Variants in ANO3 observed in about 807,000 individuals in gnomAD.
ANO3 encodes the protein anoctamin 3.
In ANO3, 99 loss-of-function variants were observed where a neutral mutation model predicts 144.8. The ratio of observed to expected loss-of-function variants is 0.68; its 90% CI spans 0.58 to 0.81. The LOEUF (loss-of-function observed/expected upper bound fraction) is 0.81, where lower values mean the gene tolerates loss of function less well. Among genes scored for constraint, ANO3 ranks in the 30% least tolerant of loss-of-function variants. ANO3 has a pLI of 0.00. For synonymous variants in ANO3, 414 were observed against 392.6 expected, an observed-to-expected ratio of 1.05 and a Z score of -0.64; for missense variants, 905 against 1,202.2, an observed-to-expected ratio of 0.75 and a Z score of 3.66.
intron 4 of ANO3, among the ~76,000 whole-genome samples, chr11:26,502,756 GA>G (rs1861249769): frequency 6.6e-6 from 1 of 150,818 alleles, no homozygotes; most frequent in African/African-American, 2.4e-5. Context: ...TAAAATCCCT[GA>G]AAGTTTTCAA....
intron 2 of ANO3, 93 bp from the exon 3 acceptor site, chr11:26,443,672 T>C (rs556988285): frequency 6.7e-6 from 4 of 596,302 alleles, no homozygotes; most frequent in Non-Finnish European, 1.2e-5. Context: ...TTTCATCATG[T>C]TTGGCCATCA....
At chr11:26,524,914 G>T (rs1165236994) in intron 6 of ANO3, among the ~76,000 whole-genome samples, 1 of 152,092 alleles carries the variant, frequency 6.6e-6, no homozygotes, top group Non-Finnish European at 1.5e-5. Context: ...GACCTCATAT[G>T]CTGCTACTAC....
intron 1 of ANO3, among the ~76,000 whole-genome samples, chr11:26,250,739 G>A (rs1564934021): frequency 6.6e-6 from 1 of 152,308 alleles, no homozygotes; most frequent in East Asian, 1.9e-4. Flanking sequence ...AAATGTGATA[G>A]TATATGAGTC....
At chr11:26,298,874 T>C (rs982376171) in intron 1 of ANO3, among the ~76,000 whole-genome samples, 1 of 152,160 alleles carries the variant, frequency 6.6e-6, no homozygotes, top group Non-Finnish European at 1.5e-5. Flanking sequence ...AATGACAAAA[T>C]AATGACTGAA....
chr11:26,243,227 G>A (rs2133812614), intron 1 of ANO3, among the ~76,000 whole-genome samples: 1 of 152,162 alleles, frequency 6.6e-6, no homozygotes, highest in Non-Finnish European at 1.5e-5. Context: ...GAAGGTTGTT[G>A]CCAGGCTGGG....
At chr11:26,586,526 C>T (rs1851288231) in intron 14 of ANO3, among the ~76,000 whole-genome samples, 1 of 21,746 alleles carries the variant, frequency 4.6e-5, no homozygotes, top group Non-Finnish European at 9.1e-5. Context: ...TTTTTTGAGA[C>T]ATAGTCTCAT....
chr11:26,580,812 T>C (rs1056230286), intron 14 of ANO3, among the ~76,000 whole-genome samples: 2 of 152,202 alleles, frequency 1.3e-5, no homozygotes, highest in South Asian at 2.1e-4. Flanking sequence ...AATGCAAAGA[T>C]TTATATCTTA....
intron 1 of ANO3, among the ~76,000 whole-genome samples, chr11:26,223,294 T>C (rs1435526770): frequency 6.6e-6 from 1 of 152,132 alleles, no homozygotes; most frequent in Non-Finnish European, 1.5e-5. Flanking sequence ...CCAAGCTCTT[T>C]CCTAAGACAT....
chr11:26,504,854 A>G (rs888220830), intron 4 of ANO3, among the ~76,000 whole-genome samples: 3 of 151,950 alleles, frequency 2.0e-5, no homozygotes, highest in Non-Finnish European at 4.4e-5. Context: ...TACTAAAGAT[A>G]CAAAAAAATT....
At position 26,641,896 on chromosome 11, in the gene ANO3, G is replaced by T; in HGVS notation, c.2142G>T (p.Pro714=). Residue 714 remains proline, a splice_region_variant and synonymous_variant, in exon 22 of 27, where the codon CCG becomes CCT. Transcript: ENST00000256737. ...IWNNFMELGY[P]LIQNWWSRHK... is the part of the protein sequence containing the mutation. ...GTCCTTGGTCTGCTCTGTGATGTAG[G>T]TTGATCCAGAACTGGTGGTCACGAC... 3.1e-6 allele frequency: 5 copies of T among 1,613,838 alleles called. No individual in the cohort carries two copies. The highest frequency in any genetic ancestry group is 4.2e-6 in the Non-Finnish European group (5 of 1,179,892).
At chr11:26,299,545 T>A (rs1038226457) in intron 1 of ANO3, among the ~76,000 whole-genome samples, 10 of 152,186 alleles carry the variant, frequency 6.6e-5, no homozygotes, top group Non-Finnish European at 1.5e-4. Flanking sequence ...GATTGCCTTT[T>A]TTTTTTCCTA....
intron 1 of ANO3, among the ~76,000 whole-genome samples, chr11:26,303,483 G>C (rs1854284722): frequency 6.6e-6 from 1 of 152,138 alleles, no homozygotes; most frequent in South Asian, 2.1e-4. Flanking sequence ...TTATGAATGG[G>C]AGCTAAGTAT....
chr11:26,488,781 G>A (rs544222854), intron 4 of ANO3, among the ~76,000 whole-genome samples: 63 of 152,292 alleles, frequency 4.1e-4, no homozygotes, highest in Middle Eastern at 6.8e-3. Flanking sequence ...TTATCATGAA[G>A]AGCAAAAGAA....
In ANO3 at chr11:26,412,795, A is replaced by AGTGTGTGTGTGTGTGTGT. The variant is rs60855252; in HGVS notation, c.47-29106_47-29089dup. Among the ~76,000 whole-genome samples, 1,110 of 140,160 alleles carry AGTGTGTGTGTGTGTGTGT rather than the reference A, an allele frequency of 7.9e-3. 10 individuals carry two copies. Among genetic ancestry groups the AGTGTGTGTGTGTGTGTGT allele is most frequent in the South Asian group, 0.013 (56 of 4,158 alleles). 92.0% of individuals were successfully genotyped at this position (140,160 alleles called of 152,430 possible). A position where few individuals can be genotyped will look rare whatever the true frequency, so the allele number is the denominator to read the frequency against. On this transcript the variant is annotated intron_variant, in intron 1 of 26. Transcript: ENST00000256737. ...CCACTTTTAAGGGCAGAGAAAGGAA[A>AGTGTGTGTGTGTGTGTGT]GTGTGTGTGTGTGTGTGTGTGTGTG...
intron 1 of ANO3, among the ~76,000 whole-genome samples, chr11:26,388,926 C>T (rs1226584956): frequency 2.6e-5 from 4 of 152,150 alleles, no homozygotes; most frequent in Non-Finnish European, 5.9e-5. Flanking sequence ...AAGTAGGAGT[C>T]TGCCATGATT....
upstream of ANO3, among the ~76,000 whole-genome samples, chr11:26,306,365 T>G (rs535705287): frequency 4.6e-5 from 7 of 152,230 alleles, no homozygotes; most frequent in South Asian, 1.2e-3. Context: ...TCTCCTAACC[T>G]TACCTCTCTC....
intron 4 of ANO3, among the ~76,000 whole-genome samples, chr11:26,497,076 A>G (rs1590418711): frequency 6.6e-6 from 1 of 151,314 alleles, no homozygotes; most frequent in East Asian, 1.9e-4. Flanking sequence ...ATATATACAC[A>G]GACACACAAA....
intron 1 of ANO3, among the ~76,000 whole-genome samples, chr11:26,191,471 C>A (rs998847598): frequency 6.6e-6 from 1 of 151,994 alleles, no homozygotes. Flanking sequence ...TCACCTTCTC[C>A]AGATTTTTCA....
chr11:26,449,939 A>G (rs1858862711), intron 3 of ANO3, among the ~76,000 whole-genome samples: 2 of 151,944 alleles, frequency 1.3e-5, no homozygotes, highest in Admixed American at 1.3e-4. Context: ...TATTTTTAGT[A>G]GAGATGGGGT....
Sources: gnomAD v4.1 joint callset for allele counts (sites outside exome capture counted in the v4.1 genomes callset) on GRCh38, gnomAD v4.1.1 for gene constraint, MANE v1.5 for transcripts, NCBI Gene and HGNC (gene_info 2026-07-23, HGNC 2026-07-21) for gene names.